Variants in CFAP299 observed in about 807,000 individuals in gnomAD.
CFAP299 encodes cilia- and flagella-associated protein 299.
CFAP299 carries 21 observed loss-of-function variants against 27.0 expected under a neutral mutation model. The observed-to-expected ratio is 0.78, with a 90% CI of 0.55 to 1.12. The LOEUF (loss-of-function observed/expected upper bound fraction) is 1.12. Among genes scored for constraint, CFAP299 ranks in the 50% most tolerant of loss-of-function variants. The pLI is 0.00. For synonymous variants in CFAP299, 104 were observed against 98.1 expected, an observed-to-expected ratio of 1.06 and a Z score of -0.36; for missense variants, 310 against 276.6, an observed-to-expected ratio of 1.12 and a Z score of -0.86.
intron 2 of CFAP299, among the ~76,000 whole-genome samples, chr4:80,477,538 A>G (rs1026881704): frequency 6.6e-6 from 1 of 152,118 alleles, no homozygotes; most frequent in Non-Finnish European, 1.5e-5. Flanking sequence ...ATGCACATCC[A>G]TCTTATCCCA....
At chr4:80,595,636 GA>G (rs1737023067) in intron 3 of CFAP299, among the ~76,000 whole-genome samples, 1 of 152,176 alleles carries the variant, frequency 6.6e-6, no homozygotes, top group Non-Finnish European at 1.5e-5. Context: ...ATTTAGTTGA[GA>G]ATTAATATGC....
chr4:80,387,506 G>A, intron 2 of CFAP299: 1 of 821,458 alleles, frequency 1.2e-6, no homozygotes, highest in East Asian at 2.4e-5. Flanking sequence ...CAGGCCTGGA[G>A]CTGTGGCGAG....
intron 4 of CFAP299, among the ~76,000 whole-genome samples, chr4:80,910,974 C>T (rs1384261849): frequency 6.6e-6 from 1 of 151,988 alleles, no homozygotes; most frequent in Non-Finnish European, 1.5e-5. Flanking sequence ...ATTTAATAAA[C>T]ATTCAATAAC....
At chr4:80,837,800 T>C (rs1730648198) in intron 3 of CFAP299, among the ~76,000 whole-genome samples, 4 of 152,188 alleles carry the variant, frequency 2.6e-5, no homozygotes, top group African/African-American at 9.7e-5. Flanking sequence ...ATGGGATTGC[T>C]GGGTCAAATG....
At chr4:80,631,332 T>A (rs1739195101) in intron 3 of CFAP299, among the ~76,000 whole-genome samples, 1 of 152,112 alleles carries the variant, frequency 6.6e-6, no homozygotes. Flanking sequence ...ATAAATTGTA[T>A]AAATTGTATG....
At chr4:80,950,711 C>T (rs1247546316) in intron 5 of CFAP299, among the ~76,000 whole-genome samples, 2 of 152,110 alleles carry the variant, frequency 1.3e-5, no homozygotes, top group Non-Finnish European at 2.9e-5. Context: ...CAGAATCACC[C>T]AGGAAGCTTT....
At chr4:80,584,390 A>G (rs1365729369) in intron 3 of CFAP299, among the ~76,000 whole-genome samples, 2 of 152,030 alleles carry the variant, frequency 1.3e-5, no homozygotes, top group Non-Finnish European at 2.9e-5. Flanking sequence ...TATTTCATGT[A>G]TGTGATAGAG....
intron 3 of CFAP299, among the ~76,000 whole-genome samples, chr4:80,767,847 T>C (rs1334621476): frequency 6.6e-6 from 1 of 152,214 alleles, no homozygotes; most frequent in Non-Finnish European, 1.5e-5. Context: ...GGTTGACTTG[T>C]TCACTTATTT....
chr4:80,952,803 GCTA>G (rs1045265787), intron 5 of CFAP299, among the ~76,000 whole-genome samples: 1 of 151,960 alleles, frequency 6.6e-6, no homozygotes, highest in Admixed American at 6.6e-5. Context: ...GCAAGCACTT[GCTA>G]CTATTAGTAG....
At chr4:80,578,096 A>T (rs1003116011) in intron 2 of CFAP299, among the ~76,000 whole-genome samples, 3 of 152,200 alleles carry the variant, frequency 2.0e-5, no homozygotes, top group African/African-American at 7.2e-5. Context: ...CTTTTACCAC[A>T]TTTTGAAAGT....
intron 3 of CFAP299, among the ~76,000 whole-genome samples, chr4:80,809,717 G>C (rs909839872): frequency 6.6e-6 from 1 of 152,102 alleles, no homozygotes; most frequent in African/African-American, 2.4e-5. Flanking sequence ...AAACTTCAGT[G>C]ACTCCCATCC....
At chr4:80,400,375 C>G (rs369209788) in intron 2 of CFAP299, among the ~76,000 whole-genome samples, 1 of 152,070 alleles carries the variant, frequency 6.6e-6, no homozygotes, top group East Asian at 1.9e-4. Flanking sequence ...TGCCCCCACC[C>G]AAATCTCAGC....
In CFAP299 at chr4:80,784,051, T is replaced by C. The variant is rs556681365; in HGVS notation, c.334-85942T>C. Reference sequence around the variant, plus strand: ...ATAAAGTCCTTCAGGTTCGTCCCTGTTGGGGCAAATGGCAGGATCTCTTTT... The same window carrying C: ...ATAAAGTCCTTCAGGTTCGTCCCTGCTGGGGCAAATGGCAGGATCTCTTTT... On this transcript the variant is annotated intron_variant, in intron 3 of 5. Transcript: ENST00000358105. Among the ~76,000 whole-genome samples the C allele has an allele frequency of 9.9e-4, 151 of 152,282 alleles. 1 individual carries two copies. Among genetic ancestry groups the C allele is most frequent in the African/African-American group, 3.5e-3 (144 of 41,566 alleles).
intron 3 of CFAP299, among the ~76,000 whole-genome samples, chr4:80,764,557 C>A (rs1725741335): frequency 2.0e-5 from 3 of 152,100 alleles, no homozygotes; most frequent in Admixed American, 1.3e-4. Flanking sequence ...GGATCTAGAA[C>A]CAGAAATACT....
intron 2 of CFAP299, among the ~76,000 whole-genome samples, chr4:80,501,900 C>T (rs1367897117): frequency 6.6e-6 from 1 of 151,750 alleles, no homozygotes; most frequent in Non-Finnish European, 1.5e-5. Context: ...ATTTATGTTT[C>T]TTGTTTCTGC....
chr4:80,541,490 G>A (rs1195542556), intron 2 of CFAP299, among the ~76,000 whole-genome samples: 1 of 152,140 alleles, frequency 6.6e-6, no homozygotes, highest in African/African-American at 2.4e-5. Context: ...TTGGTACTCA[G>A]TGTATATCAC....
At chr4:80,887,440 G>A (rs1734027138) in intron 4 of CFAP299, among the ~76,000 whole-genome samples, 2 of 145,166 alleles carry the variant, frequency 1.4e-5, no homozygotes, top group Non-Finnish European at 3.0e-5. Context: ...TATTTAAAGT[G>A]CTGAAAGAAA....
intron 2 of CFAP299, among the ~76,000 whole-genome samples, chr4:80,484,580 T>C (rs1314459022): frequency 6.6e-6 from 1 of 152,152 alleles, no homozygotes; most frequent in African/African-American, 2.4e-5. Context: ...GAATAGATCA[T>C]ATATAAGCAT....
intron 1 of CFAP299, among the ~76,000 whole-genome samples, chr4:80,362,106 A>C (rs1723575803): frequency 8.2e-6 from 1 of 121,860 alleles, no homozygotes. Context: ...TAAGGCCTAA[A>C]ATACTGGGAA....
Sources: allele counts gnomAD v4.1 joint callset (sites outside exome capture counted in the v4.1 genomes callset), GRCh38; gene constraint gnomAD v4.1.1; transcripts MANE v1.5; gene names NCBI Gene and HGNC (gene_info 2026-07-23, HGNC 2026-07-21).